DGLUCY: variants seen among roughly 807,000 people sequenced by gnomAD.
DGLUCY encodes D-glutamate cyclase, mitochondrial.
A neutral mutation model predicts 58.5 loss-of-function variants in DGLUCY; 58 were observed. The ratio of observed to expected loss-of-function variants is 0.99; its 90% CI spans 0.80 to 1.23. The LOEUF is 1.23. Among genes scored for constraint, DGLUCY ranks in the 50% most tolerant of loss-of-function variants. The probability of loss-of-function intolerance (pLI) is 0.00; values close to 1 mark genes in which losing one functional copy is unlikely to be tolerated. For synonymous variants in DGLUCY, 325 were observed against 314.1 expected (o/e 1.03, Z -0.37); for missense variants, 779 against 784.7 (o/e 0.99, Z 0.09).
At chr14:91,173,468 C>A (rs557851396) in intron 6 of DGLUCY, 29 bp downstream of exon 6, 11 of 1,566,026 alleles carry the variant, frequency 7.0e-6, no homozygotes, top group Non-Finnish European at 9.5e-6. Context: ...TGCCCATGAT[C>A]TTCCTGTTCA....
At chr14:91,087,752 C>G (rs535431251) in intron 1 of DGLUCY, among the ~76,000 whole-genome samples, 75 of 152,252 alleles carry the variant, frequency 4.9e-4, no homozygotes, top group African/African-American at 1.7e-3. Context: ...GTAGGGTGGA[C>G]GCGTCAGGTT....
Position 91,204,733 on chromosome 14 carries a change from G to C in DGLUCY, c.1472G>C (p.Gly491Ala). The C allele has an allele frequency of 6.2e-7, 1 of 1,614,080 alleles. No homozygotes were observed. The highest frequency in any genetic ancestry group is 1.3e-5 in the African/African-American group (1 of 75,034). Reference protein sequence around the residue: ...TGVGDGGNELGMGKVKEAVRR... With the variant: ...TGVGDGGNELAMGKVKEAVRR... ...GTCGGTGATGGAGGCAACGAGCTTG[G>C]GATGGGTAAAGTCAAGGAGGCTGTG... Residue 491 changes from glycine to alanine, a missense_variant, in exon 12 of 14, where the codon GGG becomes GCG. Gly to Ala is a moderately conservative substitution (Grantham distance 60). Coordinates refer to ENST00000256324, the MANE Select transcript of DGLUCY (RefSeq NM_001102368.3).
At chr14:91,091,313 G>A (rs1238852402) in intron 1 of DGLUCY, among the ~76,000 whole-genome samples, 1 of 152,084 alleles carries the variant, frequency 6.6e-6, no homozygotes, top group East Asian at 1.9e-4. Flanking sequence ...TTGAGCTCTG[G>A]AGTTCAAGAC....
chr14:91,158,623 A>T (rs920829020), intron 2 of DGLUCY, among the ~76,000 whole-genome samples: 2 of 152,150 alleles, frequency 1.3e-5, no homozygotes, highest in Admixed American at 1.3e-4. Flanking sequence ...GCTTGTCCAG[A>T]ACCCTCACTA....
intron 1 of DGLUCY, among the ~76,000 whole-genome samples, chr14:91,139,422 T>C (rs2046526098): frequency 6.6e-6 from 1 of 152,196 alleles, no homozygotes; most frequent in African/African-American, 2.4e-5. Context: ...TGTTGGCTCA[T>C]ACCTGTAATC....
chr14:91,164,750 C>T (rs972378611), intron 3 of DGLUCY, among the ~76,000 whole-genome samples: 2 of 152,190 alleles, frequency 1.3e-5, no homozygotes, highest in African/African-American at 4.8e-5. Flanking sequence ...CACAATCACC[C>T]CTGTAGCCAC....
At chr14:91,117,107 C>T (rs1418608277) in intron 1 of DGLUCY, among the ~76,000 whole-genome samples, 1 of 152,178 alleles carries the variant, frequency 6.6e-6, no homozygotes, top group Non-Finnish European at 1.5e-5. Context: ...GGGTTTCTCT[C>T]CTCTTTACAC....
At chr14:91,144,759 A>T (rs1314965774) in intron 1 of DGLUCY, among the ~76,000 whole-genome samples, 1 of 152,194 alleles carries the variant, frequency 6.6e-6, no homozygotes, top group Non-Finnish European at 1.5e-5. Flanking sequence ...AGCCACAAAG[A>T]TCACAACAGG....
chr14:91,131,960 A>G (rs1346216493), intron 1 of DGLUCY, among the ~76,000 whole-genome samples: 1 of 151,918 alleles, frequency 6.6e-6, no homozygotes, highest in Non-Finnish European at 1.5e-5. Flanking sequence ...CACCCAGCTA[A>G]TTTTGTATTT....
intron 13 of DGLUCY, among the ~76,000 whole-genome samples, chr14:91,219,338 G>A (rs1887091706): frequency 6.6e-6 from 1 of 152,202 alleles, no homozygotes; most frequent in Non-Finnish European, 1.5e-5. Flanking sequence ...GTAAGGAAGG[G>A]TGGAAAAGGC....
upstream of DGLUCY, among the ~76,000 whole-genome samples, chr14:91,110,989 C>T (rs140560216): frequency 3.7e-4 from 56 of 152,122 alleles, 1 homozygote; most frequent in East Asian, 0.01. Flanking sequence ...TAAGCGAGAT[C>T]GTATAATATT....
At chr14:91,213,611 T>A in intron 12 of DGLUCY, among the ~76,000 whole-genome samples, 1 of 152,030 alleles carries the variant, frequency 6.6e-6, no homozygotes, top group East Asian at 1.9e-4. Context: ...ACAGTATTAT[T>A]TTTATCGTAT....
intron 13 of DGLUCY, among the ~76,000 whole-genome samples, chr14:91,222,416 A>G (rs1887650101): frequency 6.6e-6 from 1 of 152,132 alleles, no homozygotes. Context: ...TTCCCCCATA[A>G]AGAGAGGATA....
intron 13 of DGLUCY, among the ~76,000 whole-genome samples, chr14:91,223,217 A>G (rs1035884062): frequency 6.6e-6 from 1 of 152,144 alleles, no homozygotes; most frequent in African/African-American, 2.4e-5. Flanking sequence ...CTACCTGATT[A>G]CTCATCTAGA....
Position 91,168,859 on chromosome 14 carries a change from AG to A in DGLUCY, c.258-1143del, listed in dbSNP as rs552155352. 4.0e-3 allele frequency among the ~76,000 whole-genome samples: 608 copies of A among 152,150 alleles called. 2 individuals are homozygous for A. Among genetic ancestry groups the A allele is most frequent in the Non-Finnish European group, 5.7e-3 (387 of 67,992 alleles). ...CCCAGCACTTTGGGAGGCCAAGGAG[AG>A]CAGATCACCTGAGATCAGGAATTCG... On this transcript the variant is annotated intron_variant, in intron 4 of 13. Transcript: ENST00000256324.
At chr14:91,176,623 A>G (rs576285673) in intron 7 of DGLUCY, among the ~76,000 whole-genome samples, 43 of 152,274 alleles carry the variant, frequency 2.8e-4, no homozygotes, top group Non-Finnish European at 5.3e-4. Flanking sequence ...TTGTTGAGAC[A>G]CAGTCTCACT....
At chr14:91,164,567 C>T (rs1230217336) in intron 3 of DGLUCY, among the ~76,000 whole-genome samples, 3 of 152,178 alleles carry the variant, frequency 2.0e-5, no homozygotes, top group African/African-American at 7.2e-5. Flanking sequence ...CCAGTAACGC[C>T]GTCATTCTTG....
intron 1 of DGLUCY, among the ~76,000 whole-genome samples, chr14:91,132,911 A>G (rs56412326): frequency 0.013 from 2,035 of 152,202 alleles, 38 homozygotes; most frequent in African/African-American, 0.047. Flanking sequence ...GGAATCATAT[A>G]ATATTAGTCC....
At position 91,196,415 on chromosome 14, in the gene DGLUCY, T is replaced by C. The variant is rs944260865; in HGVS notation, c.1236T>C (p.Gly412=). The change falls in exon 10 of 14, where the codon GGT becomes GGC. Residue 412 remains glycine, a synonymous_variant. Transcript: ENST00000256324. ...AGATCCCGATATTAACTTACCAAGG[T>C]GGATCAGTGGAAGCTGCTCAGGCAT... The part of the protein sequence containing the change: ...KTQIPILTYQ[G]GSVEAAQAFL... The C allele has an allele frequency of 2.6e-5, 42 of 1,613,988 alleles. No individual in the cohort carries two copies. Among genetic ancestry groups the C allele is most frequent in the Non-Finnish European group, 3.6e-5 (42 of 1,180,028 alleles).
Sources: allele counts gnomAD v4.1 joint callset (sites outside exome capture counted in the v4.1 genomes callset), GRCh38; gene constraint gnomAD v4.1.1; transcripts MANE v1.5; gene names NCBI Gene and HGNC (gene_info 2026-07-23, HGNC 2026-07-21).